Variants in NKTR observed in about 807,000 individuals in gnomAD.
The protein encoded by NKTR is NK-tumor recognition protein.
In NKTR, 67 loss-of-function variants were observed where a neutral mutation model predicts 156.3. The ratio of observed to expected loss-of-function variants is 0.43; its 90% CI spans 0.35 to 0.53. The LOEUF is 0.53. Ranked by LOEUF, NKTR falls within the 20% of genes least tolerant of loss-of-function variation. The probability of loss-of-function intolerance (pLI) is 0.01; values close to 1 mark genes in which losing one functional copy is unlikely to be tolerated. For synonymous variants in NKTR, 640 were observed against 596.6 expected, an observed-to-expected ratio of 1.07 and a Z score of -1.06; for missense variants, 1,604 against 1,730.9, an observed-to-expected ratio of 0.93 and a Z score of 1.30.
rs1207275272 is a variant in NKTR, at chr3:42,645,754, AGT to A, written c.4302-132_4302-131del. 5 of 545,348 alleles carry A rather than the reference AGT, an allele frequency of 9.2e-6. No homozygotes were observed. In the African/African-American group the frequency reaches 9.5e-5, roughly 10 times the overall value. 33.8% of individuals were successfully genotyped at this position (545,348 alleles called of 1,614,324 possible). ...TACCTCTGTGTTATGCTGCATCAAT[AGT>A]GCATCAGTTATATGAGTGGCTTGAA... is the stretch of plus-strand genomic sequence containing the variant. On this transcript the variant is annotated intron_variant, in intron 16 of 16. Transcript: ENST00000232978.
At position 42,633,041 on chromosome 3, in the gene NKTR, A is replaced by G. The variant is rs1440201125; in HGVS notation, c.773+218A>G. ...TCAGTTTTCGGGTGAAAATAGTCCT[A>G]AGAACTCTTTTTTTAAGAGATAGGG... On this transcript the variant is annotated intron_variant, in intron 9 of 16. Transcript: ENST00000232978. 5 of 1,237,970 alleles carry G rather than the reference A, an allele frequency of 4.0e-6. No individual in the cohort carries two copies. In the Admixed American group the frequency reaches 1.6e-4, roughly 40 times the overall value. The allele number at this position is 1,237,970 out of a possible 1,614,324, so 76.7% of individuals were successfully genotyped here.
At chr3:42,635,768 G>A (rs1425394850) in intron 12 of NKTR, among the ~76,000 whole-genome samples, 1 of 152,110 alleles carries the variant, frequency 6.6e-6, no homozygotes, top group East Asian at 1.9e-4. Context: ...TTAGCCGGGC[G>A]TGGTGGCGGG....
chr3:42,633,061 A>G, intron 9 of NKTR: 1 of 1,162,102 alleles, frequency 8.6e-7, no homozygotes, highest in Non-Finnish European at 1.1e-6. Context: ...TTTTTAAGAG[A>G]TAGGGTCTTG....
Position 42,621,410 on chromosome 3 carries a change from T to C in NKTR, c.287-19T>C, listed in dbSNP as rs1455748773. The C allele has an allele frequency of 6.3e-7, 1 of 1,590,560 alleles. No homozygotes were observed. Among genetic ancestry groups the C allele is most frequent in the South Asian group, 1.1e-5 (1 of 87,174 alleles). On this transcript the variant is annotated intron_variant, in intron 5 of 16. Coordinates refer to ENST00000232978, the MANE Select transcript of NKTR (RefSeq NM_005385.4). The stretch of plus-strand genomic sequence containing the variant: ...GACTTATAATTGGAGACTGACAAAT[T>C]TGTGTTTTCTTCAAACAGATGAAAA...
At chr3:42,631,104 A>G (rs1167628518) in intron 7 of NKTR, 67 bp from the exon 8 acceptor site, 1 of 1,578,548 alleles carries the variant, frequency 6.3e-7, no homozygotes. Flanking sequence ...ATTACAGTTA[A>G]TTGTCTTGAT....
chr3:42,622,960 T>G (rs1215700829), intron 6 of NKTR, among the ~76,000 whole-genome samples: 1 of 152,044 alleles, frequency 6.6e-6, no homozygotes, highest in Non-Finnish European at 1.5e-5. Flanking sequence ...AAAATTTGAT[T>G]TATCAAGTAG....
rs1410622189 is a variant in NKTR, at chr3:42,630,471, G to GT, written c.375-72dup. ...TACTTCTTTGTTCTCTACATGCTGT[G>GT]TTTAAACCTTTCTGCTCTCTTCACC... On this transcript the variant is annotated intron_variant, in intron 6 of 16. Transcript: ENST00000232978. 8 of 1,603,658 alleles carry GT rather than the reference G, an allele frequency of 5.0e-6. No individual in the cohort carries two copies. In the Admixed American group the frequency reaches 6.8e-5, roughly 14 times the overall value.
Position 42,634,638 on chromosome 3 carries a change from G to T in NKTR, c.955G>T (p.Val319Leu), listed in dbSNP as rs1479792282. ...GAAGATTCCTGATGTTGCACCCATTGTAAGTGATCAGAAACCATCTGTATC... is the reference window on the plus strand; with the variant it reads ...GAAGATTCCTGATGTTGCACCCATTTTAAGTGATCAGAAACCATCTGTATC... ...EPKIPDVAPI[V>L]SDQKPSVSKS... The change falls in exon 11 of 17, where the codon GTA (valine) becomes TTA (leucine). Residue 319 changes from valine (V) to leucine (L), a missense_variant. This residue lies in a region of NKTR where 1,255 missense variants were observed against 1,243.7 expected (regional missense o/e 1.01). Coordinates refer to ENST00000232978, the MANE Select transcript of NKTR (RefSeq NM_005385.4). 1.9e-6 allele frequency: 3 copies of T among 1,598,890 alleles called. No homozygotes were observed. Among genetic ancestry groups the T allele is most frequent in the Non-Finnish European group, 8.5e-7 (1 of 1,170,984 alleles).
intron 8 of NKTR, 126 bp from the exon 9 acceptor site, chr3:42,632,475 G>T: frequency 6.6e-6 from 4 of 608,538 alleles, no homozygotes; most frequent in Non-Finnish European, 1.1e-5. Context: ...GAAAAAAACT[G>T]TCTACATTTC....
chr3:42,644,349 AT>A (rs138060747), intron 16 of NKTR, among the ~76,000 whole-genome samples: 3,824 of 152,074 alleles, frequency 0.025, 140 homozygotes, highest in African/African-American at 0.086. Context: ...CCAGTTTCTC[AT>A]TTTTTTTAAA....
At position 42,630,164 on chromosome 3, in the gene NKTR, T is replaced by G. The variant is rs1708758784; in HGVS notation, c.375-382T>G. On this transcript the variant is annotated intron_variant, in intron 6 of 16. Coordinates refer to ENST00000232978, the MANE Select transcript of NKTR (RefSeq NM_005385.4). ...GCAAATAGGAGGTGCTTTTCTTATTTAATTACGCTGATAAATTTTGAGGGT... is the reference window on the plus strand; with the variant it reads ...GCAAATAGGAGGTGCTTTTCTTATTGAATTACGCTGATAAATTTTGAGGGT... 1.5e-5 allele frequency: 15 copies of G among 1,019,172 alleles called. No individual in the cohort carries two copies. The South Asian group carries it at 6.4e-4, about 44-fold the overall frequency. The allele number at this position is 1,019,172 out of a possible 1,614,324, so 63.1% of individuals were successfully genotyped here.
intron 2 of NKTR, 34 bp from the exon 3 acceptor site, chr3:42,617,536 G>C: frequency 9.1e-7 from 1 of 1,093,118 alleles, no homozygotes; most frequent in Non-Finnish European, 1.4e-6. Flanking sequence ...TATTTAACTT[G>C]CTTACTATTT....
intron 2 of NKTR, among the ~76,000 whole-genome samples, chr3:42,603,959 A>G (rs1215320467): frequency 6.6e-6 from 1 of 151,798 alleles, no homozygotes; most frequent in Non-Finnish European, 1.5e-5. Flanking sequence ...GCTGGTCTGA[A>G]CTCCTGACCT....
In NKTR at chr3:42,646,921, G is replaced by C. The variant is rs997019036; in HGVS notation, c.*946G>C. 6.6e-6 allele frequency: 1 copy of C among 152,274 alleles called. No individual in the cohort carries two copies. Among genetic ancestry groups the C allele is most frequent in the African/African-American group, 2.4e-5 (1 of 41,450 alleles). The allele number at this position is 152,274 out of a possible 1,614,324, so 9.4% of individuals were successfully genotyped here. ...TCCCCTGGAGCAGGCAGGATTGGCA[G>C]TAAGAGATATTGGCCACTCAAGTCT... is the stretch of plus-strand genomic sequence containing the variant. On this transcript the variant is annotated 3_prime_UTR_variant, in exon 17 of 17. Transcript: ENST00000232978.
Position 42,638,422 on chromosome 3 carries a change from C to T in NKTR, c.2718C>T (p.Ser906=), listed in dbSNP as rs1039393197. 2.4e-5 allele frequency: 38 copies of T among 1,613,502 alleles called. No homozygotes were observed. Among genetic ancestry groups the T allele is most frequent in the Middle Eastern group, 3.3e-4 (2 of 6,078 alleles). The change falls in exon 13 of 17, where the codon TCC becomes TCT. Residue 906 remains serine (S), a synonymous_variant. Transcript: ENST00000232978. ...TKNSKNDSHP[S]SDKEEGEATS... ...ACAGTAAAAATGACTCCCATCCATC[C>T]TCTGACAAGGAAGAAGGTGAGGCCA...
Position 42,617,578 on chromosome 3 carries a change from A to G in NKTR, c.67A>G (p.Ile23Val). ...IEINREPVGR[I>V]MFQLFSDICP... Reference sequence around the variant, plus strand: ...TATGTATTTTATTTCAGTTGGTCGCATTATGTTTCAGCTCTTCTCAGACAT... The same window carrying G: ...TATGTATTTTATTTCAGTTGGTCGCGTTATGTTTCAGCTCTTCTCAGACAT... Residue 23 changes from isoleucine (I) to valine (V), a missense_variant, in exon 3 of 17, where the codon ATT (isoleucine) becomes GTT (valine). Coordinates refer to ENST00000232978, the MANE Select transcript of NKTR (RefSeq NM_005385.4). 3.1e-6 allele frequency: 5 copies of G among 1,587,938 alleles called. No individual in the cohort carries two copies. The highest frequency in any genetic ancestry group is 4.3e-6 in the Non-Finnish European group (5 of 1,156,698).
rs908079104 is a variant in NKTR at position 42,648,598 on chromosome 3, A to G, written c.*2623A>G. The G allele has an allele frequency of 1.2e-4, 18 of 152,690 alleles. No individual in the cohort carries two copies. Among genetic ancestry groups the G allele is most frequent in the Non-Finnish European group, 2.5e-4 (17 of 68,050 alleles). The allele number at this position is 152,690 out of a possible 1,614,324, so 9.5% of individuals were successfully genotyped here. A position where few individuals can be genotyped will look rare whatever the true frequency, so the allele number is the denominator to read the frequency against. ...GTTTTTGTAACATCCTGTTTATTGC[A>G]AATAGCTAGTATCGTTCAAAAACTG... On this transcript the variant is annotated 3_prime_UTR_variant, in exon 17 of 17. Transcript: ENST00000232978.
chr3:42,619,427 G>T, intron 4 of NKTR: 1 of 1,331,684 alleles, frequency 7.5e-7, no homozygotes, highest in Non-Finnish European at 9.7e-7. Flanking sequence ...TGTTTTTGGT[G>T]TTATTACTGT....
At chr3:42,616,130 A>C (rs1577461929) in intron 2 of NKTR, among the ~76,000 whole-genome samples, 1 of 152,170 alleles carries the variant, frequency 6.6e-6, no homozygotes, top group South Asian at 2.1e-4. Flanking sequence ...ACTGACCGAT[A>C]TGGCCAGGAA....
Sources: gnomAD v4.1 joint callset for allele counts (sites outside exome capture counted in the v4.1 genomes callset) on GRCh38, gnomAD v4.1.1 for gene constraint, gnomAD v4.1.1 regional missense constraint, MANE v1.5 for transcripts, NCBI Gene and HGNC (gene_info 2026-07-23, HGNC 2026-07-21) for gene names.